EIF4G3: variants seen among roughly 807,000 people sequenced by gnomAD.
EIF4G3 encodes eIF-4-gamma 3.
Under a neutral mutation model 186.4 loss-of-function variants are expected in EIF4G3, and 34 were observed. The observed-to-expected ratio is 0.18, with a 90% CI of 0.14 to 0.24. The LOEUF (loss-of-function observed/expected upper bound fraction) is 0.24, where lower values mean the gene tolerates loss of function less well. Among genes scored for constraint, EIF4G3 ranks in the 10% least tolerant of loss-of-function variants. EIF4G3 has a pLI of 1.00. For missense variants in EIF4G3, 1,536 were observed against 1,948.5 expected (o/e 0.79, Z 3.99); for synonymous variants, 673 against 679.5 (o/e 0.99, Z 0.15).
At chr1:20,848,119 A>T (rs1309884656) in intron 29 of EIF4G3, among the ~76,000 whole-genome samples, 1 of 151,938 alleles carries the variant, frequency 6.6e-6, no homozygotes, top group African/African-American at 2.4e-5. Flanking sequence ...GATGCGTGCC[A>T]CCACACCTGG....
chr1:21,018,198 G>C (rs1350070148), intron 4 of EIF4G3, among the ~76,000 whole-genome samples: 1 of 152,062 alleles, frequency 6.6e-6, no homozygotes, highest in Non-Finnish European at 1.5e-5. Context: ...CCCCTGTACT[G>C]ACATCCCTAA....
At chr1:20,950,155 C>T (rs1558396708) in intron 12 of EIF4G3, 44 bp from the exon 13 acceptor site, 1 of 1,433,766 alleles carries the variant, frequency 7.0e-7, no homozygotes. Context: ...AGCGTGCGAA[C>T]ATAAAAACTA....
intron 27 of EIF4G3, 125 bp from the exon 28 acceptor site, chr1:20,851,603 T>A: frequency 1.3e-6 from 1 of 772,870 alleles, no homozygotes; most frequent in South Asian, 1.8e-5. Flanking sequence ...ACATTAGATG[T>A]GTGAGGCACC....
intron 2 of EIF4G3, among the ~76,000 whole-genome samples, chr1:21,170,287 T>TA (rs1256656152): frequency 2.0e-5 from 3 of 152,056 alleles, no homozygotes; most frequent in African/African-American, 7.2e-5. Flanking sequence ...GTGAACAAAA[T>TA]AAACAAAAAT....
intron 16 of EIF4G3, among the ~76,000 whole-genome samples, chr1:20,896,472 G>A (rs889500068): frequency 5.8e-4 from 87 of 149,640 alleles, no homozygotes; most frequent in Non-Finnish European, 9.3e-4. Context: ...AAAGAAAAAG[G>A]AAAAAGAAAT....
Position 21,128,963 on chromosome 1 carries a change from A to G in EIF4G3, c.-271-39750T>C, listed in dbSNP as rs369825155. 5.8e-3 allele frequency among the ~76,000 whole-genome samples: 890 copies of G among 152,348 alleles called. 8 individuals carry two copies. Among genetic ancestry groups the G allele is most frequent in the South Asian group, 0.029 (138 of 4,830 alleles). On this transcript the variant is annotated intron_variant, in intron 2 of 36. Coordinates refer to ENST00000602326, the MANE Select transcript of EIF4G3 (RefSeq NM_001391906.1). ...ATTAGGGAGCTGAACTTGCAAGAAA[A>G]CAAAATGAACTGAATTCCAAAGGAC...
intron 2 of EIF4G3, chr1:21,161,770 C>G (rs77417376): frequency 1.3e-5 from 2 of 152,040 alleles, no homozygotes; most frequent in African/African-American, 4.8e-5. Flanking sequence ...GAGTTCGAGA[C>G]CAGCCTAATC....
Position 21,111,788 on chromosome 1 carries a change from AAT to A in EIF4G3, c.-271-22577_-271-22576del, listed in dbSNP as rs1397443067. 1.3e-5 allele frequency among the ~76,000 whole-genome samples: 2 copies of A among 152,224 alleles called. 1 individual carries two copies. Among genetic ancestry groups the A allele is most frequent in the African/African-American group, 4.8e-5 (2 of 41,454 alleles). ...CATGCATTTATTCACTTCCTGAAAG[AAT>A]GTCTCTCTGCCATGAAAGCTGTTAA... is the stretch of plus-strand genomic sequence containing the variant. On this transcript the variant is annotated intron_variant, in intron 2 of 36. Coordinates refer to ENST00000602326, the MANE Select transcript of EIF4G3 (RefSeq NM_001391906.1).
intron 2 of EIF4G3, among the ~76,000 whole-genome samples, chr1:21,166,707 T>A (rs1045143730): frequency 6.6e-6 from 1 of 152,130 alleles, no homozygotes; most frequent in African/African-American, 2.4e-5. Context: ...TACTCCAGCT[T>A]GGGTGACAGA....
At chr1:20,921,322 G>A (rs181809298) in intron 14 of EIF4G3, among the ~76,000 whole-genome samples, 28 of 152,248 alleles carry the variant, frequency 1.8e-4, no homozygotes, top group African/African-American at 6.0e-4. Context: ...CTAAAGTAAC[G>A]AAGGTAATTG....
chr1:20,905,865 C>CA (rs567309488), intron 14 of EIF4G3, among the ~76,000 whole-genome samples: 86 of 152,182 alleles, frequency 5.7e-4, no homozygotes, highest in Middle Eastern at 3.4e-3. Flanking sequence ...CAAATAAACA[C>CA]AAAGCTAAAG....
chr1:20,910,998 T>G (rs1339134292), intron 14 of EIF4G3, among the ~76,000 whole-genome samples: 2 of 152,236 alleles, frequency 1.3e-5, no homozygotes, highest in African/African-American at 4.8e-5. Context: ...AAGTAAAACT[T>G]TTAAAGTTGA....
intron 14 of EIF4G3, among the ~76,000 whole-genome samples, chr1:20,932,612 CAAG>C (rs761247905): frequency 1.6e-4 from 24 of 151,890 alleles, no homozygotes; most frequent in Non-Finnish European, 2.8e-4. Flanking sequence ...TAAGAAGGCC[CAAG>C]AAGAGGGAGG....
At chr1:20,843,133 C>T (rs574431097) in intron 29 of EIF4G3, among the ~76,000 whole-genome samples, 73 of 152,188 alleles carry the variant, frequency 4.8e-4, no homozygotes, top group Non-Finnish European at 8.4e-4. Context: ...GCCACCATAC[C>T]TGGCCCCTTG....
intron 15 of EIF4G3, among the ~76,000 whole-genome samples, chr1:20,903,387 A>G (rs186510354): frequency 2.6e-5 from 4 of 152,340 alleles, no homozygotes; most frequent in Non-Finnish European, 5.9e-5. Context: ...ATAATATTCA[A>G]TAATGCTTAG....
At chr1:21,151,480 C>A (rs374031894) in intron 2 of EIF4G3, among the ~76,000 whole-genome samples, 1 of 151,702 alleles carries the variant, frequency 6.6e-6, no homozygotes. Flanking sequence ...CCTCGTGATC[C>A]GCCCGCCTTG....
At chr1:21,007,206 T>C (rs997108435) in intron 4 of EIF4G3, among the ~76,000 whole-genome samples, 14 of 152,046 alleles carry the variant, frequency 9.2e-5, no homozygotes, top group Non-Finnish European at 1.5e-4. Flanking sequence ...GAGACCAGCC[T>C]GGCCAACATG....
Position 21,010,419 on chromosome 1 carries a change from C to CAA in EIF4G3, c.-66-7613_-66-7612dup, listed in dbSNP as rs11318361. Among the ~76,000 whole-genome samples, 187 of 101,074 alleles carry CAA rather than the reference C, an allele frequency of 1.9e-3. 2 individuals carry two copies. The highest frequency in any genetic ancestry group is 6.2e-3 in the African/African-American group (156 of 25,298). The allele number at this position is 101,074 out of a possible 152,430, so 66.3% of individuals were successfully genotyped here. On this transcript the variant is annotated intron_variant, in intron 4 of 36. Transcript: ENST00000602326. ...TGGGTGACAGAGCAAGACTCTGTCT[C>CAA]AAAAAAAAAAAAAAAAAAGAAAAAG...
chr1:20,851,589 G>A, intron 27 of EIF4G3, 111 bp from the exon 28 acceptor site: 1 of 938,584 alleles, frequency 1.1e-6, no homozygotes, highest in Non-Finnish European at 1.6e-6. Context: ...ATTTTTCACA[G>A]ATAACATTAG....
Sources: allele counts gnomAD v4.1 joint callset (sites outside exome capture counted in the v4.1 genomes callset), GRCh38; gene constraint gnomAD v4.1.1; transcripts MANE v1.5; gene names NCBI Gene and HGNC (gene_info 2026-07-23, HGNC 2026-07-21).